ZFPM1: variants seen among roughly 807,000 people sequenced by gnomAD.
The protein encoded by ZFPM1 is zinc finger protein ZFPM1.
In ZFPM1, 28 loss-of-function variants were observed where a neutral mutation model predicts 46.3. That is an observed-to-expected ratio of 0.60 (90% CI 0.45 to 0.83). The LOEUF is 0.83. Among genes scored for constraint, ZFPM1 ranks in the 40% least tolerant of loss-of-function variants. The pLI is 0.00. For missense variants in ZFPM1, 1,878 were observed against 1,432.4 expected (o/e 1.31, Z -5.02); for synonymous variants, 957 against 675.9 (o/e 1.42, Z -6.45).
chr16:88,529,470 C>A (rs1410066368), intron 6 of ZFPM1, among the ~76,000 whole-genome samples: 1 of 152,176 alleles, frequency 6.6e-6, no homozygotes, highest in Non-Finnish European at 1.5e-5. Context: ...GGGATGTCAG[C>A]CCGTATGAGA....
At chr16:88,457,643 T>A (rs577071149) in intron 1 of ZFPM1, among the ~76,000 whole-genome samples, 1 of 152,230 alleles carries the variant, frequency 6.6e-6, no homozygotes, top group East Asian at 1.9e-4. Flanking sequence ...CTCTCTTTTT[T>A]TTTTCCTTAG....
chr16:88,534,508 C>T lies in ZFPM1; in HGVS notation c.2550C>T (p.Gly850=). 6.9e-7 allele frequency: 1 copy of T among 1,450,608 alleles called. No homozygotes were observed. The highest frequency in any genetic ancestry group is 1.3e-5 in the South Asian group (1 of 77,318). 89.9% of individuals were successfully genotyped at this position (1,450,608 alleles called of 1,614,324 possible). A position where few individuals can be genotyped will look rare whatever the true frequency, so the allele number is the denominator to read the frequency against. ...CPAAPPPGAL[G]LPAAACPYCP... is the part of the protein sequence containing the mutation. Reference sequence around the variant, plus strand: ...CTGCGCCACCGCCCGGCGCGCTCGGCCTGCCCGCCGCCGCCTGCCCCTACT... The same window carrying T: ...CTGCGCCACCGCCCGGCGCGCTCGGTCTGCCCGCCGCCGCCTGCCCCTACT... The change falls in exon 10 of 10, where the codon GGC becomes GGT. Residue 850 remains glycine, a synonymous_variant. Coordinates refer to ENST00000319555, the MANE Select transcript of ZFPM1 (RefSeq NM_153813.3).
At chr16:88,478,500 T>C (rs1240107402) in intron 1 of ZFPM1, among the ~76,000 whole-genome samples, 2 of 152,268 alleles carry the variant, frequency 1.3e-5, no homozygotes, top group African/African-American at 4.8e-5. Flanking sequence ...GGTGCCGGCA[T>C]CCCTGTAAGG....
chr16:88,507,199 T>G (rs569286765), intron 3 of ZFPM1, among the ~76,000 whole-genome samples: 73 of 152,270 alleles, frequency 4.8e-4, no homozygotes, highest in African/African-American at 1.3e-3. Context: ...TTGCTGGCTG[T>G]GTAACCTCCG....
Position 88,534,521 on chromosome 16 carries a change from G to C in ZFPM1, c.2563G>C (p.Ala855Pro). The C allele has an allele frequency of 3.5e-6, 5 of 1,435,236 alleles. No individual in the cohort carries two copies. Among genetic ancestry groups the C allele is most frequent in the Non-Finnish European group, 4.6e-6 (5 of 1,096,930 alleles). The allele number at this position is 1,435,236 out of a possible 1,614,324, so 88.9% of individuals were successfully genotyped here. A position where few individuals can be genotyped will look rare whatever the true frequency, so the allele number is the denominator to read the frequency against. The change falls in exon 10 of 10, where the codon GCC (alanine) becomes CCC (proline). Residue 855 changes from alanine to proline, a missense_variant. By Grantham distance (27) the Ala-to-Pro change is conservative. Coordinates refer to ENST00000319555, the MANE Select transcript of ZFPM1 (RefSeq NM_153813.3). ...CGGCGCGCTCGGCCTGCCCGCCGCC[G>C]CCTGCCCCTACTGCCCCCCGAACGG... ...PPGALGLPAA[A>P]CPYCPPNGPV...
chr16:88,497,974 C>G lies in ZFPM1; in HGVS notation c.268+8821C>G, dbSNP rs1910032803. Among the ~76,000 whole-genome samples, 1 of 152,212 alleles carries G rather than the reference C, an allele frequency of 6.6e-6. No individual in the cohort carries two copies. ...GCCGATAGGCGACTGGCTCCCTCCC[C>G]ACCCGGTGTGCGTGGGTGGGAAATC... On this transcript the variant is annotated intron_variant, in intron 3 of 9. Coordinates refer to ENST00000319555, the MANE Select transcript of ZFPM1 (RefSeq NM_153813.3). This position sits in a 1 kb window ranked among gnomAD's most constrained non-coding sequence, Gnocchi z 5.4.
chr16:88,514,519 CG>C lies in ZFPM1; in HGVS notation c.402+1del, dbSNP rs1911169683. 1 of 1,557,012 alleles carries C rather than the reference CG, an allele frequency of 6.4e-7. No homozygotes were observed. Among genetic ancestry groups the C allele is most frequent in the African/African-American group, 1.4e-5 (1 of 73,452 alleles). ...GCCTCATCCCCCAGGCAGGCGGAGC[CG>C]GTAAGAAGCCCCCATCCCCGCCCCT... is the stretch of plus-strand genomic sequence containing the variant. ...TRASSPRQAE[P>X]SPALTLLLVD... On this transcript the variant is annotated frameshift_variant and splice_region_variant, in exon 4 of 10. Coordinates refer to ENST00000319555, the MANE Select transcript of ZFPM1 (RefSeq NM_153813.3). LOFTEE classifies it high-confidence loss of function.
In ZFPM1 at chr16:88,469,925, G is replaced by A. The variant is rs762301038; in HGVS notation, c.41-16014G>A. On this transcript the variant is annotated intron_variant, in intron 1 of 9. Coordinates refer to ENST00000319555, the MANE Select transcript of ZFPM1 (RefSeq NM_153813.3). This position sits in a 1 kb window ranked among gnomAD's most constrained non-coding sequence, Gnocchi z 4.3. Reference sequence around the variant, plus strand: ...TGCCCAGCCCAGAGGATCTCCCCACGCAGCCCTCCCAGTCTGCAGAGGGGT... The same window carrying A: ...TGCCCAGCCCAGAGGATCTCCCCACACAGCCCTCCCAGTCTGCAGAGGGGT... Among the ~76,000 whole-genome samples, 4 of 151,978 alleles carry A rather than the reference G, an allele frequency of 2.6e-5. No individual in the cohort carries two copies. Among genetic ancestry groups the A allele is most frequent in the Non-Finnish European group, 5.9e-5 (4 of 67,998 alleles).
At chr16:88,464,365 G>A (rs1019083061) in intron 1 of ZFPM1, among the ~76,000 whole-genome samples, 2 of 152,208 alleles carry the variant, frequency 1.3e-5, no homozygotes, top group African/African-American at 2.4e-5. Context: ...CAGAGGGGAC[G>A]GGACACCCTG....
chr16:88,458,931 C>T (rs1049491785), intron 1 of ZFPM1, among the ~76,000 whole-genome samples: 2 of 152,214 alleles, frequency 1.3e-5, no homozygotes, highest in African/African-American at 4.8e-5. Context: ...GATGCGCTGT[C>T]CTTGCTTGTG....
Position 88,490,544 on chromosome 16 carries a change from G to C in ZFPM1, c.268+1391G>C, listed in dbSNP as rs538992869. 2.6e-5 allele frequency among the ~76,000 whole-genome samples: 4 copies of C among 152,344 alleles called. No individual in the cohort carries two copies. In the South Asian group the frequency reaches 8.3e-4, roughly 32 times the overall value. ...GCAGAGGGACCACATTCCTTCCCAGGGGCCAAGATGGAAAGGGGTCAGCGA... is the reference window on the plus strand; with the variant it reads ...GCAGAGGGACCACATTCCTTCCCAGCGGCCAAGATGGAAAGGGGTCAGCGA... On this transcript the variant is annotated intron_variant, in intron 3 of 9. Coordinates refer to ENST00000319555, the MANE Select transcript of ZFPM1 (RefSeq NM_153813.3).
At chr16:88,457,691 A>G (rs146123513) in intron 1 of ZFPM1, among the ~76,000 whole-genome samples, 105 of 151,856 alleles carry the variant, frequency 6.9e-4, no homozygotes, top group African/African-American at 2.5e-3. Flanking sequence ...GAGTCTCACT[A>G]CGTTGCCCAG....
At chr16:88,462,950 A>T (rs769031616) in intron 1 of ZFPM1, among the ~76,000 whole-genome samples, 3 of 152,114 alleles carry the variant, frequency 2.0e-5, no homozygotes, top group Non-Finnish European at 2.9e-5. Flanking sequence ...CAAAATCCAC[A>T]CAAACAGGGC....
intron 1 of ZFPM1, among the ~76,000 whole-genome samples, chr16:88,461,914 G>A (rs1162795536): frequency 1.3e-5 from 2 of 152,236 alleles, no homozygotes; most frequent in Non-Finnish European, 2.9e-5. Flanking sequence ...GAGGTTATGT[G>A]ACGTGGGAGC....
intron 4 of ZFPM1, among the ~76,000 whole-genome samples, chr16:88,520,268 ATGGATGGATGGATAGATAGGTAGG>A (rs1911728893): frequency 6.7e-6 from 1 of 149,770 alleles, no homozygotes; most frequent in Admixed American, 6.7e-5. Context: ...GGATGAGTGG[ATGGATGGATGGATAGATAGGTAGG>A]TGGATGGATG....
intron 1 of ZFPM1, among the ~76,000 whole-genome samples, chr16:88,457,779 C>A (rs1160531525): frequency 3.9e-5 from 6 of 152,124 alleles, no homozygotes; most frequent in Non-Finnish European, 7.3e-5. Flanking sequence ...ACACGAGGCA[C>A]CGCACCTGCC....
At chr16:88,499,893 C>T (rs1002000474) in intron 3 of ZFPM1, among the ~76,000 whole-genome samples, 6 of 152,180 alleles carry the variant, frequency 3.9e-5, no homozygotes, top group African/African-American at 1.4e-4. Flanking sequence ...CGGCCCCATG[C>T]CAGCAGAGGG....
In ZFPM1 at chr16:88,534,600, T is replaced by A. The variant is rs1913131509; in HGVS notation, c.2642T>A (p.Leu881His). 10 of 1,222,514 alleles carry A rather than the reference T, an allele frequency of 8.2e-6. No homozygotes were observed. Among genetic ancestry groups the A allele is most frequent in the African/African-American group, 1.6e-5 (1 of 61,078 alleles). 75.7% of individuals were successfully genotyped at this position (1,222,514 alleles called of 1,614,324 possible). The change falls in exon 10 of 10, where the codon CTC (leucine) becomes CAC (histidine). Residue 881 changes from leucine to histidine, a missense_variant. Coordinates refer to ENST00000319555, the MANE Select transcript of ZFPM1 (RefSeq NM_153813.3). ...EHFRLAHGLL[L>H]GAPLAGPGVE... is the part of the protein sequence containing the mutation. ...TTCCGCCTGGCGCACGGCCTGCTGC[T>A]CGGCGCGCCCCTGGCCGGCCCGGGG...
chr16:88,523,773 C>T (rs1912086935), intron 4 of ZFPM1, among the ~76,000 whole-genome samples: 1 of 152,192 alleles, frequency 6.6e-6, no homozygotes, highest in Non-Finnish European at 1.5e-5. Flanking sequence ...TCTTGCACCC[C>T]TAGGTCTCCT....
Sources: gnomAD v4.1 joint callset for allele counts (sites outside exome capture counted in the v4.1 genomes callset) on GRCh38, gnomAD v4.1.1 for gene constraint, Gnocchi (gnomAD v3.1) non-coding constraint, MANE v1.5 for transcripts, NCBI Gene and HGNC (gene_info 2026-07-23, HGNC 2026-07-21) for gene names.